Variants in RGS6 observed in about 807,000 individuals in gnomAD.
RGS6 encodes the protein regulator of G-protein signaling 6.
In RGS6, 30 loss-of-function variants were observed where a neutral mutation model predicts 78.5. That is an observed-to-expected ratio of 0.38 (90% confidence interval 0.29 to 0.52). The LOEUF (loss-of-function observed/expected upper bound fraction) is 0.52, where lower values mean the gene tolerates loss of function less well. RGS6 is among the 20% of genes least tolerant of loss of function. RGS6 has a pLI of 0.85. For missense variants in RGS6, 495 were observed against 609.7 expected, an observed-to-expected ratio of 0.81 and a Z score of 1.98; for synonymous variants, 206 against 206.0, an observed-to-expected ratio of 1.00 and a Z score of 0.00.
chr14:72,177,446 G>A (rs532608943), intron 2 of RGS6, among the ~76,000 whole-genome samples: 3 of 152,218 alleles, frequency 2.0e-5, no homozygotes, highest in South Asian at 2.1e-4. Context: ...AAATCCCAGG[G>A]GAAGCATGGC....
intron 2 of RGS6, among the ~76,000 whole-genome samples, chr14:71,997,730 A>G (rs1318361084): frequency 1.3e-5 from 2 of 152,176 alleles, no homozygotes; most frequent in Non-Finnish European, 2.9e-5. Flanking sequence ...TCTGGGAATG[A>G]GATAAAGACT....
chr14:72,372,346 T>C (rs1389237937), intron 3 of RGS6, among the ~76,000 whole-genome samples: 1 of 152,206 alleles, frequency 6.6e-6, no homozygotes, highest in African/African-American at 2.4e-5. Context: ...GTCATTTTTA[T>C]ATAAAATTTA....
At chr14:72,366,258 G>C (rs962100334) in intron 3 of RGS6, among the ~76,000 whole-genome samples, 3 of 152,158 alleles carry the variant, frequency 2.0e-5, no homozygotes, top group African/African-American at 7.2e-5. Context: ...CTGGGATGAA[G>C]AGGGAGAAGG....
At position 72,291,298 on chromosome 14, in the gene RGS6, C is replaced by T. The variant is rs140041994; in HGVS notation, c.85-60797C>T. Among the ~76,000 whole-genome samples, 77 of 152,122 alleles carry T rather than the reference C, an allele frequency of 5.1e-4. 1 individual carries two copies. Among genetic ancestry groups the T allele is most frequent in the South Asian group, 8.3e-4 (4 of 4,816 alleles). ...ACCCAGCATCCCCATGCCATCATTT[C>T]AACCAGACTGTCCTTTTTCTTTTCC... On this transcript the variant is annotated intron_variant, in intron 2 of 17. Coordinates refer to ENST00000553525, the MANE Select transcript of RGS6 (RefSeq NM_001204424.2).
intron 2 of RGS6, among the ~76,000 whole-genome samples, chr14:72,293,607 G>T (rs1339381676): frequency 6.6e-6 from 1 of 151,938 alleles, no homozygotes; most frequent in Non-Finnish European, 1.5e-5. Context: ...GAATCCATAG[G>T]ATCCAGCATT....
At chr14:72,042,329 A>G (rs945126385) in intron 2 of RGS6, among the ~76,000 whole-genome samples, 2 of 151,920 alleles carry the variant, frequency 1.3e-5, no homozygotes, top group Admixed American at 6.6e-5. Context: ...GGGTTTCACC[A>G]TGTTGGCCAG....
intron 2 of RGS6, among the ~76,000 whole-genome samples, chr14:72,267,328 C>G (rs116867634): frequency 6.9e-6 from 1 of 145,622 alleles, no homozygotes; most frequent in Non-Finnish European, 1.5e-5. Context: ...ATTATAATGA[C>G]ATGCAAATTT....
chr14:71,996,144 C>T (rs998039299), intron 2 of RGS6, among the ~76,000 whole-genome samples: 1 of 138,004 alleles, frequency 7.2e-6, no homozygotes, highest in East Asian at 2.1e-4. Context: ...GTCGGGTGTT[C>T]GTTAGAAGTG....
At chr14:72,455,821 A>G (rs1204387468) in intron 4 of RGS6, among the ~76,000 whole-genome samples, 2 of 152,208 alleles carry the variant, frequency 1.3e-5, no homozygotes, top group Non-Finnish European at 2.9e-5. Flanking sequence ...GTTTAGTTAC[A>G]TTTATCTAAA....
intron 2 of RGS6, among the ~76,000 whole-genome samples, chr14:72,304,482 G>A (rs899162938): frequency 1.3e-5 from 2 of 152,218 alleles, no homozygotes; most frequent in Non-Finnish European, 2.9e-5. Flanking sequence ...CAATGCTCTA[G>A]TGAATTTTCT....
chr14:72,045,556 G>A (rs1296190162), intron 2 of RGS6, among the ~76,000 whole-genome samples: 2 of 152,238 alleles, frequency 1.3e-5, no homozygotes, highest in Admixed American at 1.3e-4. Flanking sequence ...GTAATCTAAT[G>A]TAATCTGTTA....
intron 1 of RGS6, among the ~76,000 whole-genome samples, chr14:71,960,247 A>G (rs756508992): frequency 6.6e-6 from 1 of 152,144 alleles, no homozygotes; most frequent in African/African-American, 2.4e-5. Context: ...CCCCTTCACT[A>G]TATTTTCTTC....
intron 15 of RGS6, among the ~76,000 whole-genome samples, chr14:72,521,050 C>G (rs987801461): frequency 2.6e-5 from 4 of 152,182 alleles, no homozygotes; most frequent in Admixed American, 6.5e-5. Flanking sequence ...ATTTCCAGCC[C>G]TTTTCAGTCG....
chr14:72,301,569 C>T (rs2152408442), intron 2 of RGS6, among the ~76,000 whole-genome samples: 1 of 152,236 alleles, frequency 6.6e-6, no homozygotes, highest in African/African-American at 2.4e-5. Context: ...TTTGCTAGGG[C>T]TGTCACAACG....
At chr14:71,917,771 C>T in the RGS6 span, among the ~76,000 whole-genome samples, 14 of 152,296 alleles carry the variant, frequency 9.2e-5, no homozygotes, top group African/African-American at 2.9e-4. Context: ...TGTCCCTGAT[C>T]ATTTAATGAT....
chr14:72,152,251 T>A lies in RGS6; in HGVS notation c.84+187376T>A, dbSNP rs372488621. ...GAGAGAGAGAGAGAGAGAGAGTGTG[T>A]GTGTGTGTGTGTGTGTGTGTGTGCG... On this transcript the variant is annotated intron_variant, in intron 2 of 17. Coordinates refer to ENST00000553525, the MANE Select transcript of RGS6 (RefSeq NM_001204424.2). Among the ~76,000 whole-genome samples, 766 of 143,846 alleles carry A rather than the reference T, an allele frequency of 5.3e-3. 5 individuals are homozygous for A. The highest frequency in any genetic ancestry group is 0.019 in the African/African-American group (719 of 37,806). The allele number at this position is 143,846 out of a possible 152,430, so 94.4% of individuals were successfully genotyped here.
At chr14:72,585,716 CT>C in the RGS6 span, among the ~76,000 whole-genome samples, 3 of 152,212 alleles carry the variant, frequency 2.0e-5, no homozygotes, top group Admixed American at 6.5e-5. Context: ...TTGAAGAGTT[CT>C]GGGTAGCACG....
At chr14:71,893,562 G>A in the RGS6 span, among the ~76,000 whole-genome samples, 1 of 152,176 alleles carries the variant, frequency 6.6e-6, no homozygotes, top group Non-Finnish European at 1.5e-5. Context: ...CCTGGGAGGA[G>A]ATATTATCTG....
At position 71,953,268 on chromosome 14, in the gene RGS6, C is replaced by G. The variant is rs1402010035; in HGVS notation, c.-20-11504C>G. 2.6e-5 allele frequency among the ~76,000 whole-genome samples: 4 copies of G among 151,988 alleles called. No homozygotes were observed. In the East Asian group the frequency reaches 7.7e-4, roughly 29 times the overall value. ...CAAAGGCTTGGACTTGTTCAAGGGA[C>G]AGAAAAAATTGTAATGTAAAGGGCT... On this transcript the variant is annotated intron_variant, in intron 1 of 17. Transcript: ENST00000553525.
Sources: allele counts gnomAD v4.1 joint callset (sites outside exome capture counted in the v4.1 genomes callset), GRCh38; gene constraint gnomAD v4.1.1; transcripts MANE v1.5; gene names NCBI Gene and HGNC (gene_info 2026-07-23, HGNC 2026-07-21).